TMED3: variants seen among roughly 807,000 people sequenced by gnomAD.
TMED3 encodes transmembrane emp24 domain-containing protein 3.
Under a neutral mutation model 15.0 loss-of-function variants are expected in TMED3, and 9 were observed. The ratio of observed to expected loss-of-function variants is 0.60; its 90% confidence interval spans 0.36 to 1.04. The LOEUF (loss-of-function observed/expected upper bound fraction) is 1.04, where lower values mean the gene tolerates loss of function less well. TMED3 is among the 50% of genes least tolerant of loss of function. The pLI is 0.01. For synonymous variants in TMED3, 117 were observed against 121.4 expected, an observed-to-expected ratio of 0.96 and a Z score of 0.24; for missense variants, 267 against 278.9, an observed-to-expected ratio of 0.96 and a Z score of 0.30.
At chr15:79,370,813 T>C (rs1013942556) in intron 2 of TMED3, among the ~76,000 whole-genome samples, 3 of 152,212 alleles carry the variant, frequency 2.0e-5, no homozygotes, top group African/African-American at 7.2e-5. Flanking sequence ...CTGATGGTTG[T>C]GTGAATGAAA....
Position 79,322,179 on chromosome 15 carries a change from GA to G in TMED3, c.624del (p.Lys208AsnfsTer17). On this transcript the variant is annotated frameshift_variant, in exon 3 of 3. Coordinates refer to ENST00000299705, the MANE Select transcript of TMED3 (RefSeq NM_007364.4). LOFTEE classifies it high-confidence loss of function. Reference sequence around the variant, plus strand: ...GCTACTGTTGAAAAGCTTCTTCACAGAAAAACGACCCATCAGCAGGGCAGTC... The same window carrying G: ...GCTACTGTTGAAAAGCTTCTTCACAGAAAACGACCCATCAGCAGGGCAGTC... ...QVLLLKSFFT[E>X]KRPISRAVHS 1 of 1,613,396 alleles carries G rather than the reference GA, an allele frequency of 6.2e-7. No homozygotes were observed. The highest frequency in any genetic ancestry group is 1.7e-5 in the Admixed American group (1 of 60,008).
intron 2 of TMED3, among the ~76,000 whole-genome samples, chr15:79,375,785 C>G (rs1361435656): frequency 6.6e-6 from 1 of 152,180 alleles, no homozygotes; most frequent in African/African-American, 2.4e-5. Context: ...CACTCCACCA[C>G]TGGGGATTAC....
At chr15:79,380,557 A>T (rs1893511147) in intron 2 of TMED3, among the ~76,000 whole-genome samples, 1 of 145,730 alleles carries the variant, frequency 6.9e-6, no homozygotes, top group Non-Finnish European at 1.5e-5. Flanking sequence ...ATAGTTGTAT[A>T]TATGTAGTTA....
intron 2 of TMED3, among the ~76,000 whole-genome samples, chr15:79,386,704 A>ATTTTTTTTTTTTTTTTGTAT (rs1893631282): frequency 8.0e-6 from 1 of 125,182 alleles, no homozygotes; most frequent in South Asian, 2.8e-4. Context: ...ATGCCTGGCT[A>ATTTTTTTTTTTTTTTTGTAT]TTTTTTTTTT....
intron 2 of TMED3, among the ~76,000 whole-genome samples, chr15:79,365,951 C>A (rs58123711): frequency 0.033 from 5,040 of 152,234 alleles, 255 homozygotes; most frequent in African/African-American, 0.11. Context: ...AAGATGTTAT[C>A]TTGTGTGGAG....
At chr15:79,349,131 T>G (rs1190039662) in intron 2 of TMED3, among the ~76,000 whole-genome samples, 2 of 152,174 alleles carry the variant, frequency 1.3e-5, no homozygotes, top group African/African-American at 4.8e-5. Flanking sequence ...AGCCACTGTG[T>G]CTGGCTTCAT....
downstream of TMED3, among the ~76,000 whole-genome samples, chr15:79,324,774 C>T (rs2058781309): frequency 1.3e-5 from 2 of 152,134 alleles, no homozygotes; most frequent in African/African-American, 4.8e-5. Context: ...ATCTGGGCAG[C>T]ATGGTGGAAA....
At chr15:79,355,273 C>T (rs189736476) in intron 2 of TMED3, among the ~76,000 whole-genome samples, 2 of 152,276 alleles carry the variant, frequency 1.3e-5, no homozygotes, top group South Asian at 2.1e-4. Flanking sequence ...CAACATAGCT[C>T]ACTTGTATGA....
At chr15:79,344,865 T>C (rs1228498105) in intron 2 of TMED3, among the ~76,000 whole-genome samples, 2 of 152,160 alleles carry the variant, frequency 1.3e-5, no homozygotes, top group Non-Finnish European at 2.9e-5. Flanking sequence ...AGGGAGACAA[T>C]GTTTTATAGG....
chr15:79,366,716 C>T (rs1037917634), intron 2 of TMED3, among the ~76,000 whole-genome samples: 5 of 152,186 alleles, frequency 3.3e-5, no homozygotes, highest in Non-Finnish European at 4.4e-5. Flanking sequence ...AAGCTAAGCT[C>T]GTGGTGGCAG....
chr15:79,312,046 G>T (rs527491462), intron 1 of TMED3, among the ~76,000 whole-genome samples: 1 of 152,212 alleles, frequency 6.6e-6, no homozygotes, highest in Non-Finnish European at 1.5e-5. Flanking sequence ...TCCTTTGAGA[G>T]ATCCCGTGGC....
intron 2 of TMED3, among the ~76,000 whole-genome samples, chr15:79,330,826 A>G (rs2058805587): frequency 6.6e-6 from 1 of 152,216 alleles, no homozygotes; most frequent in South Asian, 2.1e-4. Context: ...TACTGGCATA[A>G]AAACAGACAC....
At chr15:79,353,254 A>ATT (rs1567030517) in intron 2 of TMED3, among the ~76,000 whole-genome samples, 17 of 39,994 alleles carry the variant, frequency 4.3e-4, no homozygotes, top group African/African-American at 1.7e-3. Context: ...TACTATATAT[A>ATT]ATATATATTA....
intron 2 of TMED3, among the ~76,000 whole-genome samples, chr15:79,347,372 GAA>G (rs936413682): frequency 2.0e-5 from 3 of 152,046 alleles, no homozygotes; most frequent in Non-Finnish European, 2.9e-5. Flanking sequence ...GGTATTGAAG[GAA>G]AATACCTCAA....
At chr15:79,347,117 G>T (rs1468550162) in intron 2 of TMED3, among the ~76,000 whole-genome samples, 2 of 152,050 alleles carry the variant, frequency 1.3e-5, no homozygotes, top group African/African-American at 4.8e-5. Context: ...GAACATCAGT[G>T]CAAAAATCCT....
Position 79,382,922 on chromosome 15 carries a change from C to T in TMED3, c.418-28478C>T. ...ACAATATAGTCTTTATTCCCATTGA[C>T]AAAGTCAATTACAAGGGCATAAACA... On this transcript the variant is annotated intron_variant, in intron 2 of 2. Coordinates refer to the TMED3 transcript ENST00000424155. 2.6e-6 allele frequency: 4 copies of T among 1,520,794 alleles called. No individual in the cohort carries two copies. In the East Asian group the frequency reaches 7.3e-5, roughly 28 times the overall value. 94.2% of individuals were successfully genotyped at this position (1,520,794 alleles called of 1,614,324 possible). A position where few individuals can be genotyped will look rare whatever the true frequency, so the allele number is the denominator to read the frequency against.
intron 2 of TMED3, among the ~76,000 whole-genome samples, chr15:79,332,477 A>G (rs2058812942): frequency 6.6e-6 from 1 of 152,224 alleles, no homozygotes. Context: ...CTATTATTTT[A>G]CCAGAATCTT....
chr15:79,406,360 G>A (rs1893903563), intron 2 of TMED3, among the ~76,000 whole-genome samples: 1 of 152,206 alleles, frequency 6.6e-6, no homozygotes, highest in South Asian at 2.1e-4. Flanking sequence ...ACAACTGACA[G>A]AATAACTAGA....
chr15:79,400,947 C>T (rs1893825541), intron 2 of TMED3, among the ~76,000 whole-genome samples: 1 of 152,176 alleles, frequency 6.6e-6, no homozygotes, highest in South Asian at 2.1e-4. Context: ...TTACAGCACC[C>T]TATTTTCTAG....
Sources: allele counts gnomAD v4.1 joint callset (sites outside exome capture counted in the v4.1 genomes callset), GRCh38; gene constraint gnomAD v4.1.1; transcripts MANE v1.5; gene names NCBI Gene and HGNC (gene_info 2026-07-23, HGNC 2026-07-21).